Variants in PDE1B observed in about 807,000 individuals in gnomAD.
The protein encoded by PDE1B is phosphodiesterase 1B, also known as dual specificity calcium/calmodulin-dependent 3',5'-cyclic nucleotide phosphodiesterase 1B.
PDE1B carries 13 observed loss-of-function variants against 66.7 expected under a neutral mutation model. The observed-to-expected ratio is 0.19, with a 90% CI of 0.13 to 0.31. The LOEUF is 0.31. Ranked by LOEUF, PDE1B falls within the 10% of genes least tolerant of loss-of-function variation. The pLI, the probability that PDE1B is intolerant of heterozygous loss-of-function variation, is 1.00. For missense variants in PDE1B, 485 were observed against 682.3 expected (o/e 0.71, Z 3.22); for synonymous variants, 230 against 253.9 (o/e 0.91, Z 0.90).
intron 13 of PDE1B, 67 bp downstream of exon 13, chr12:54,576,167 C>T (rs1957740353): frequency 1.0e-6 from 1 of 992,866 alleles, no homozygotes; most frequent in Non-Finnish European, 1.6e-6. Context: ...GATTTGGACT[C>T]ACAGAGAGGA....
chr12:54,550,631 C>T (rs1957264030), intron 2 of PDE1B, among the ~76,000 whole-genome samples: 6 of 152,100 alleles, frequency 3.9e-5, no homozygotes, highest in Admixed American at 2.6e-4. Flanking sequence ...GAGCCCCCAC[C>T]TGGAAGCTGA....
At chr12:54,557,454 C>T (rs758213540) in intron 2 of PDE1B, among the ~76,000 whole-genome samples, 2 of 152,192 alleles carry the variant, frequency 1.3e-5, no homozygotes, top group Non-Finnish European at 2.9e-5. Context: ...AAAGGATGAA[C>T]TCTGGAACTG....
In PDE1B at chr12:54,569,667, G is replaced by A. The variant is rs1018682692; in HGVS notation, c.477+55G>A. The stretch of plus-strand genomic sequence containing the variant: ...AAAGTTAGGGGATGGAATAGCCACT[G>A]GGACTTCTAGACCCTGTTTATGGCA... On this transcript the variant is annotated intron_variant, in intron 5 of 15. Transcript: ENST00000243052. This position sits in a 1 kb window ranked among gnomAD's most constrained non-coding sequence, Gnocchi z 4.4. 4 of 1,190,618 alleles carry A rather than the reference G, an allele frequency of 3.4e-6. No homozygotes were observed. Among genetic ancestry groups the A allele is most frequent in the Non-Finnish European group, 3.8e-6 (3 of 793,670 alleles). The allele number at this position is 1,190,618 out of a possible 1,614,324, so 73.8% of individuals were successfully genotyped here. A position where few individuals can be genotyped will look rare whatever the true frequency, so the allele number is the denominator to read the frequency against.
rs1429767047 is a variant in PDE1B at position 54,575,168 on chromosome 12, T to C, written c.1135T>C (p.Leu379=). The change falls in exon 11 of 16, where the codon TTG becomes CTG. Residue 379 remains leucine, a synonymous_variant. Coordinates refer to ENST00000243052, the MANE Select transcript of PDE1B (RefSeq NM_000924.4). This position sits in a 1 kb window ranked among gnomAD's most constrained non-coding sequence, Gnocchi z 4.0. ...ADISHPTKQW[L]VHSRWTKALM... ...CATCAGCCACCCAACCAAGCAGTGG[T>C]TGGTCCACAGCCGTTGGACCAAGGC... 2.5e-6 allele frequency: 4 copies of C among 1,613,234 alleles called. No individual in the cohort carries two copies. The highest frequency in any genetic ancestry group is 4.5e-5 in the East Asian group (2 of 44,832).
intron 6 of PDE1B, 67 bp downstream of exon 6, chr12:54,570,424 C>G: frequency 1.1e-6 from 1 of 909,282 alleles, no homozygotes; most frequent in Non-Finnish European, 1.9e-6. Context: ...GTTCTAAAAG[C>G]CTCCCAACAA....
At chr12:54,576,525 T>C (rs1565706983) in intron 13 of PDE1B, 46 bp from the exon 14 acceptor site, 2 of 1,611,504 alleles carry the variant, frequency 1.2e-6, no homozygotes, top group Non-Finnish European at 1.7e-6. Context: ...GGTTCTGGAG[T>C]GGGCTGGGGC....
intron 13 of PDE1B, 174 bp downstream of exon 13, chr12:54,576,274 G>A (rs1276524502): frequency 1.6e-6 from 1 of 625,808 alleles, no homozygotes; most frequent in African/African-American, 1.8e-5. Context: ...TCAGAAGGGT[G>A]TGACCTGTAC....
rs1421961243 is a variant in PDE1B, at chr12:54,575,444, G to A, written c.1186-107G>A. The A allele has an allele frequency of 1.2e-6, 1 of 846,134 alleles. No homozygotes were observed. Among genetic ancestry groups the A allele is most frequent in the Non-Finnish European group, 2.0e-6 (1 of 491,732 alleles). The allele number at this position is 846,134 out of a possible 1,614,324, so 52.4% of individuals were successfully genotyped here. A position where few individuals can be genotyped will look rare whatever the true frequency, so the allele number is the denominator to read the frequency against. On this transcript the variant is annotated intron_variant, in intron 11 of 15. Coordinates refer to ENST00000243052, the MANE Select transcript of PDE1B (RefSeq NM_000924.4). This position sits in a 1 kb window ranked among gnomAD's most constrained non-coding sequence, Gnocchi z 4.0. Reference sequence around the variant, plus strand: ...TACTAATTTCCAGGTCAACAGTGCAGAAATTTCACACAACAACCCCCCACC... The same window carrying A: ...TACTAATTTCCAGGTCAACAGTGCAAAAATTTCACACAACAACCCCCCACC...
Position 54,575,453 on chromosome 12 carries a change from CACA to C in PDE1B, c.1186-92_1186-90del, listed in dbSNP as rs549413987. On this transcript the variant is annotated intron_variant, in intron 11 of 15. Transcript: ENST00000243052. This position sits in a 1 kb window ranked among gnomAD's most constrained non-coding sequence, Gnocchi z 4.0. ...CCAGGTCAACAGTGCAGAAATTTCA[CACA>C]ACAACCCCCCACCCCCACCACTTGC... The C allele has an allele frequency of 2.1e-4, 185 of 880,898 alleles. No individual in the cohort carries two copies. Among genetic ancestry groups the C allele is most frequent in the Middle Eastern group, 1.8e-3 (8 of 4,544 alleles). The allele number at this position is 880,898 out of a possible 1,614,324, so 54.6% of individuals were successfully genotyped here. A position where few individuals can be genotyped will look rare whatever the true frequency, so the allele number is the denominator to read the frequency against.
chr12:54,573,215 C>G lies in PDE1B; in HGVS notation c.803C>G (p.Thr268Arg). 6.2e-7 allele frequency: 1 copy of G among 1,613,894 alleles called. No individual in the cohort carries two copies. Among genetic ancestry groups the G allele is most frequent in the Non-Finnish European group, 8.5e-7 (1 of 1,179,878 alleles). ...GCAGCTATCCATGATTATGAGCACA[C>G]GGGCACTACCAACAGCTTCCACATC... is the stretch of plus-strand genomic sequence containing the variant. ...FAAAIHDYEH[T>R]GTTNSFHIQT... Residue 268 changes from threonine (T) to arginine (R), a missense_variant, in exon 8 of 16, where the codon ACG becomes AGG. Thr to Arg is a moderately conservative substitution (Grantham distance 71). Coordinates refer to ENST00000243052, the MANE Select transcript of PDE1B (RefSeq NM_000924.4). The surrounding 1 kb of genome is among the most constrained non-coding windows in gnomAD (Gnocchi z 5.2).
chr12:54,569,399 C>T lies in PDE1B; in HGVS notation c.410+33C>T. The T allele has an allele frequency of 6.3e-7, 1 of 1,592,236 alleles. No homozygotes were observed. The highest frequency in any genetic ancestry group is 8.6e-7 in the Non-Finnish European group (1 of 1,166,984). ...TCGCCCACACTCAGCCTCCCTCTGC[C>T]TTTAGCTGTGCCCCTCTTTCCCAGC... On this transcript the variant is annotated intron_variant, in intron 4 of 15. Coordinates refer to ENST00000243052, the MANE Select transcript of PDE1B (RefSeq NM_000924.4). This position sits in a 1 kb window ranked among gnomAD's most constrained non-coding sequence, Gnocchi z 4.4.
At position 54,561,471 on chromosome 12, in the gene PDE1B, A is replaced by G. The variant is rs1957409310; in HGVS notation, c.114-5503A>G. 4 of 1,360,972 alleles carry G rather than the reference A, an allele frequency of 2.9e-6. No homozygotes were observed. In the South Asian group the frequency reaches 5.2e-5, roughly 18 times the overall value. The allele number at this position is 1,360,972 out of a possible 1,614,324, so 84.3% of individuals were successfully genotyped here. On this transcript the variant is annotated intron_variant, in intron 2 of 15. Transcript: ENST00000243052. ...TCTCTCTGGTCAGTTGCTCAGTTCT[A>G]CTGGGACCTGGAGGAGGAAGGCAGG...
chr12:54,570,294 C>T lies in PDE1B; in HGVS notation c.531C>T (p.Asp177=), dbSNP rs749282052. Residue 177 remains aspartate, a synonymous_variant, in exon 6 of 16, where the codon GAC becomes GAT. Transcript: ENST00000243052. ...TTTCCTTGAACCAGGCAGCAGATGA[C>T]CATGCCCTGAGGACCATTGTTTTTG... ...DVFSLNQAAD[D]HALRTIVFEL... The T allele has an allele frequency of 4.2e-5, 67 of 1,613,682 alleles. No individual in the cohort carries two copies. The highest frequency in any genetic ancestry group is 5.6e-5 in the Non-Finnish European group (66 of 1,179,742).
At position 54,577,263 on chromosome 12, in the gene PDE1B, T is replaced by TGG; in HGVS notation, c.1547_1548insGG (p.Cys516TrpfsTer32). Reference sequence around the variant, plus strand: ...GATGTCCATTGACGAGCTGTCCCCCTGTGAAGAAGAGGCCCCCCCATCCCC... The same window carrying TGG: ...GATGTCCATTGACGAGCTGTCCCCCTGGGTGAAGAAGAGGCCCCCCCATCCCC... On this transcript the variant is annotated frameshift_variant, in exon 15 of 16. Transcript: ENST00000243052. LOFTEE classifies it high-confidence loss of function. The TGG allele has an allele frequency of 6.5e-7, 1 of 1,543,574 alleles. No homozygotes were observed. The highest frequency in any genetic ancestry group is 8.9e-7 in the Non-Finnish European group (1 of 1,120,486).
chr12:54,550,394 C>T (rs1957259925), intron 2 of PDE1B, among the ~76,000 whole-genome samples: 1 of 152,208 alleles, frequency 6.6e-6, no homozygotes, highest in Admixed American at 6.5e-5. Flanking sequence ...GCGTGGGTCA[C>T]AGAGGTATGT....
Position 54,578,146 on chromosome 12 carries a change from C to G in PDE1B, c.*304C>G, listed in dbSNP as rs1488573319. On this transcript the variant is annotated 3_prime_UTR_variant, in exon 16 of 16. Transcript: ENST00000243052. The stretch of plus-strand genomic sequence containing the variant: ...CAGGTGGCTGCCAGGGAGCGGGGAG[C>G]TTCCTGGAGGCTTCCCAGGGCCTTG... The G allele has an allele frequency of 6.6e-6, 1 of 152,260 alleles. No individual in the cohort carries two copies. The highest frequency in any genetic ancestry group is 1.9e-4 in the East Asian group (1 of 5,188). The allele number at this position is 152,260 out of a possible 1,614,324, so 9.4% of individuals were successfully genotyped here.
Position 54,567,104 on chromosome 12 carries a change from G to C in PDE1B, c.227+17G>C, listed in dbSNP as rs1237838504. 2.3e-6 allele frequency: 3 copies of C among 1,278,238 alleles called. No individual in the cohort carries two copies. In the South Asian group the frequency reaches 3.7e-5, roughly 16 times the overall value. 79.2% of individuals were successfully genotyped at this position (1,278,238 alleles called of 1,614,324 possible). ...TGAGACACGGTGAGAGAGACCGACA[G>C]ACAGAGAAGGAGAAAGATGTCAGAC... is the stretch of plus-strand genomic sequence containing the variant. On this transcript the variant is annotated intron_variant, in intron 3 of 15. Coordinates refer to ENST00000243052, the MANE Select transcript of PDE1B (RefSeq NM_000924.4).
rs1957738832 is a variant in PDE1B at position 54,576,119 on chromosome 12, G to C, written c.1376+19G>C. On this transcript the variant is annotated intron_variant, in intron 13 of 15. Transcript: ENST00000243052. The stretch of plus-strand genomic sequence containing the variant: ...AGCCCAGGTGAGGGTGGCTGGGGTA[G>C]CCAGATATCTTGGTTCAGGAAGGCA... 6.8e-7 allele frequency: 1 copy of C among 1,463,544 alleles called. No homozygotes were observed. The allele number at this position is 1,463,544 out of a possible 1,614,324, so 90.7% of individuals were successfully genotyped here.
In PDE1B at chr12:54,576,892, C is replaced by T. The variant is rs1957762652; in HGVS notation, c.1507+191C>T. ...GCCTGGAATGTTCTAAGAATGGGGG[C>T]CGTAGAGATGATAGAGACAGTCAGA... On this transcript the variant is annotated intron_variant, in intron 14 of 15. Transcript: ENST00000243052. 1.9e-5 allele frequency: 12 copies of T among 640,672 alleles called. No individual in the cohort carries two copies. In the South Asian group the frequency reaches 2.4e-4, roughly 13 times the overall value. 39.7% of individuals were successfully genotyped at this position (640,672 alleles called of 1,614,324 possible). A position where few individuals can be genotyped will look rare whatever the true frequency, so the allele number is the denominator to read the frequency against.
Sources: allele counts gnomAD v4.1 joint callset (sites outside exome capture counted in the v4.1 genomes callset), GRCh38; gene constraint gnomAD v4.1.1; non-coding constraint Gnocchi (gnomAD v3.1); transcripts MANE v1.5; gene names NCBI Gene and HGNC (gene_info 2026-07-23, HGNC 2026-07-21).